Variants in CHAF1A observed in about 807,000 individuals in gnomAD.
The protein encoded by CHAF1A is chromatin assembly factor 1 subunit A.
Under a neutral mutation model 93.2 loss-of-function variants are expected in CHAF1A, and 5 were observed. The ratio of observed to expected loss-of-function variants is 0.05; its 90% confidence interval spans 0.03 to 0.11. The LOEUF is 0.11. Ranked by LOEUF, CHAF1A falls within the 10% of genes least tolerant of loss-of-function variation. The pLI, the probability that CHAF1A is intolerant of heterozygous loss-of-function variation, is 1.00. For synonymous variants in CHAF1A, 504 were observed against 510.3 expected, an observed-to-expected ratio of 0.99 and a Z score of 0.17; for missense variants, 1,102 against 1,259.9, an observed-to-expected ratio of 0.87 and a Z score of 1.90.
downstream of CHAF1A, chr19:4,447,438 T>C: frequency 8.4e-7 from 1 of 1,190,238 alleles, no homozygotes; most frequent in Non-Finnish European, 1.2e-6. Flanking sequence ...GTGGCTCAAC[T>C]CTCGCTAGCT....
At chr19:4,439,038 T>A (rs545235232) in intron 13 of CHAF1A, among the ~76,000 whole-genome samples, 1 of 151,274 alleles carries the variant, frequency 6.6e-6, no homozygotes, top group Non-Finnish European at 1.5e-5. Flanking sequence ...CACAAAACTT[T>A]AGGAGACCGA....
At chr19:4,436,388 T>A (rs1974283680) in intron 13 of CHAF1A, among the ~76,000 whole-genome samples, 1 of 152,174 alleles carries the variant, frequency 6.6e-6, no homozygotes, top group African/African-American at 2.4e-5. Flanking sequence ...ATGTGCATAG[T>A]TCCCCTGGCT....
At chr19:4,445,366 G>C, downstream of CHAF1A, 9 of 1,449,704 alleles carry the variant, frequency 6.2e-6, no homozygotes, top group Non-Finnish European at 8.4e-6. Context: ...CTCCACGGCT[G>C]GCGCCCCTCC....
In CHAF1A at chr19:4,443,058, T is replaced by G; in HGVS notation, c.*33T>G. Reference sequence around the variant, plus strand: ...GGTGACGTATGTAGAATGCTTAGGGTGTCCTCCCCACAGAGCAGATACTTG... The same window carrying G: ...GGTGACGTATGTAGAATGCTTAGGGGGTCCTCCCCACAGAGCAGATACTTG... On this transcript the variant is annotated 3_prime_UTR_variant, in exon 15 of 15. Transcript: ENST00000301280. 7.4e-7 allele frequency: 1 copy of G among 1,348,072 alleles called. No homozygotes were observed. Among genetic ancestry groups the G allele is most frequent in the Non-Finnish European group, 1.0e-6 (1 of 958,706 alleles). 83.5% of individuals were successfully genotyped at this position (1,348,072 alleles called of 1,614,324 possible).
At chr19:4,420,025 A>G (rs1020490126) in intron 4 of CHAF1A, among the ~76,000 whole-genome samples, 36 of 152,278 alleles carry the variant, frequency 2.4e-4, no homozygotes, top group African/African-American at 8.7e-4. Flanking sequence ...GGAAATGCAC[A>G]TCAGACATCT....
chr19:4,444,308 G>A (rs567997780), downstream of CHAF1A, among the ~76,000 whole-genome samples: 13 of 152,262 alleles, frequency 8.5e-5, no homozygotes, highest in South Asian at 2.5e-3. Context: ...CAGTGGGGCC[G>A]GGGCACACAT....
intron 3 of CHAF1A, among the ~76,000 whole-genome samples, chr19:4,413,145 T>G (rs1973837822): frequency 6.6e-6 from 1 of 152,138 alleles, no homozygotes; most frequent in Admixed American, 6.6e-5. Context: ...TGATCTTGGC[T>G]CCTGCAACCG....
chr19:4,407,164 A>C (rs1167929071), intron 2 of CHAF1A, among the ~76,000 whole-genome samples: 8 of 152,026 alleles, frequency 5.3e-5, no homozygotes. Context: ...GGTTGCAGTG[A>C]GCCAAGGGTG....
chr19:4,418,197 A>G (rs558480449), intron 4 of CHAF1A, 121 bp downstream of exon 4: 91 of 607,900 alleles, frequency 1.5e-4, no homozygotes, highest in Non-Finnish European at 2.5e-4. Context: ...TTCTCTGACC[A>G]TCATTTTGAT....
intron 13 of CHAF1A, among the ~76,000 whole-genome samples, chr19:4,438,765 C>G (rs1166571763): frequency 6.6e-6 from 1 of 152,108 alleles, no homozygotes; most frequent in Non-Finnish European, 1.5e-5. Flanking sequence ...GGGTGGCTCA[C>G]AAGGTCAGGA....
At chr19:4,437,633 T>C (rs771355367) in intron 13 of CHAF1A, among the ~76,000 whole-genome samples, 3 of 152,174 alleles carry the variant, frequency 2.0e-5, no homozygotes, top group African/African-American at 7.2e-5. Flanking sequence ...TGACTGATGC[T>C]TCTGCACCCA....
chr19:4,429,129 G>T, intron 8 of CHAF1A: 1 of 591,224 alleles, frequency 1.7e-6, no homozygotes, highest in Non-Finnish European at 3.0e-6. Context: ...TTCCCTGCTG[G>T]TCTCCAGTGA....
downstream of CHAF1A, chr19:4,448,468 C>G: frequency 7.0e-7 from 1 of 1,429,190 alleles, no homozygotes; most frequent in Non-Finnish European, 9.6e-7. Flanking sequence ...GGCCGCACGG[C>G]CCTCCGCTGC....
Position 4,433,050 on chromosome 19 carries a change from C to T in CHAF1A, c.2204-20C>T, listed in dbSNP as rs1474882988. On this transcript the variant is annotated intron_variant, in intron 12 of 14. Transcript: ENST00000301280. This position sits in a 1 kb window ranked among gnomAD's most constrained non-coding sequence, Gnocchi z 5.6. ...GGTGGCTCCCCAAGCCTCATGCCCA[C>T]CCATGTTCCCTCCTGCCAGTCCTGG... 6.6e-7 allele frequency: 1 copy of T among 1,523,942 alleles called. No individual in the cohort carries two copies. The allele number at this position is 1,523,942 out of a possible 1,614,324, so 94.4% of individuals were successfully genotyped here. A position where few individuals can be genotyped will look rare whatever the true frequency, so the allele number is the denominator to read the frequency against.
chr19:4,443,209 G>T lies in CHAF1A; in HGVS notation c.*184G>T, dbSNP rs1369830012. The T allele has an allele frequency of 3.3e-6, 2 of 614,630 alleles. No homozygotes were observed. The highest frequency in any genetic ancestry group is 3.0e-5 in the East Asian group (1 of 33,702). 38.1% of individuals were successfully genotyped at this position (614,630 alleles called of 1,614,324 possible). On this transcript the variant is annotated 3_prime_UTR_variant, in exon 15 of 15. Transcript: ENST00000301280. ...ATTTGTAAAAATTCCCCCAAGAGCCGCATATGAATCTGCCCTTTAATAAAG... is the reference window on the plus strand; with the variant it reads ...ATTTGTAAAAATTCCCCCAAGAGCCTCATATGAATCTGCCCTTTAATAAAG...
Position 4,443,049 on chromosome 19 carries a change from T to C in CHAF1A, c.*24T>C, listed in dbSNP as rs2992. 0.31 allele frequency: 439,154 copies of C among 1,425,146 alleles called. 71,557 individuals carry two copies. The highest frequency in any genetic ancestry group is 0.62 in the East Asian group (25,763 of 41,766). The allele number at this position is 1,425,146 out of a possible 1,614,324, so 88.3% of individuals were successfully genotyped here. On this transcript the variant is annotated 3_prime_UTR_variant, in exon 15 of 15. Transcript: ENST00000301280. ...GAGAGCAGGGGTGACGTATGTAGAA[T>C]GCTTAGGGTGTCCTCCCCACAGAGC...
At chr19:4,447,054 G>A (rs1303639122), downstream of CHAF1A, 2 of 808,978 alleles carry the variant, frequency 2.5e-6, no homozygotes, top group Non-Finnish European at 4.0e-6. Flanking sequence ...AGCCCTGGGG[G>A]TGCCTCAGTG....
the CHAF1A span, chr19:4,450,815 C>T: frequency 1.0e-5 from 1 of 98,310 alleles, no homozygotes; most frequent in African/African-American, 3.7e-5. Context: ...AATAAAAAGA[C>T]AAACTATCTA....
chr19:4,411,346 C>T (rs1456700448), intron 3 of CHAF1A, among the ~76,000 whole-genome samples: 1 of 152,184 alleles, frequency 6.6e-6, no homozygotes, highest in Non-Finnish European at 1.5e-5. Flanking sequence ...TCTCCTGCCT[C>T]ACCCTCTCAA....
Sources: gnomAD v4.1 joint callset for allele counts (sites outside exome capture counted in the v4.1 genomes callset) on GRCh38, gnomAD v4.1.1 for gene constraint, Gnocchi (gnomAD v3.1) non-coding constraint, MANE v1.5 for transcripts, NCBI Gene and HGNC (gene_info 2026-07-23, HGNC 2026-07-21) for gene names.